Variants in PTGR3 observed in about 807,000 individuals in gnomAD.
The protein encoded by PTGR3 is prostaglandin reductase 3.
At chr18:75,202,675 AAAAAG>A in the PTGR3 span, among the ~76,000 whole-genome samples, 1 of 150,230 alleles carries the variant, frequency 6.7e-6, no homozygotes, top group Non-Finnish European at 1.5e-5. Context: ...CAAAAAAAAA[AAAAAG>A]AAAAGAAGGA....
At chr18:75,206,634 TAG>T in the PTGR3 span, among the ~76,000 whole-genome samples, 3 of 151,988 alleles carry the variant, frequency 2.0e-5, no homozygotes, top group African/African-American at 7.3e-5. Context: ...TCCAACAGAG[TAG>T]GGAAAGCGGG....
At chr18:75,205,398 G>A in the PTGR3 span, 1 of 985,234 alleles carries the variant, frequency 1.0e-6, no homozygotes, top group Non-Finnish European at 1.2e-6. Flanking sequence ...AATTGAAACT[G>A]TGTGCATGCA....
At chr18:75,202,700 AAG>A in the PTGR3 span, among the ~76,000 whole-genome samples, 3 of 152,100 alleles carry the variant, frequency 2.0e-5, no homozygotes, top group Non-Finnish European at 4.4e-5. Context: ...AAAAAAGAAA[AAG>A]AGTCAGGAAA....
chr18:75,205,567 T>TC, the PTGR3 span: 5 of 837,730 alleles, frequency 6.0e-6, no homozygotes, highest in African/African-American at 7.4e-5. Flanking sequence ...CTAAACCCCC[T>TC]CGTCATGTTT....
chr18:75,205,078 C>T, the PTGR3 span: 1 of 890,490 alleles, frequency 1.1e-6, no homozygotes, highest in Non-Finnish European at 1.3e-6. Flanking sequence ...TCTCCTTGGT[C>T]TCCCTGCCTC....
the PTGR3 span, chr18:75,196,497 T>C: frequency 6.6e-5 from 10 of 151,246 alleles, no homozygotes; most frequent in African/African-American, 2.4e-4. Flanking sequence ...CCGGGCATGG[T>C]GATGTGCACC....
the PTGR3 span, chr18:75,205,144 C>A: frequency 1.0e-6 from 1 of 985,498 alleles, no homozygotes; most frequent in Non-Finnish European, 1.2e-6. Flanking sequence ...GCTTCGCCCC[C>A]GCGGCTGGTG....
chr18:75,199,039 C>T, the PTGR3 span: 11 of 152,414 alleles, frequency 7.2e-5, no homozygotes, highest in African/African-American at 2.7e-4. Context: ...TCTGAATGGG[C>T]GGAATCTTTC....
the PTGR3 span, chr18:75,201,949 T>C: frequency 6.2e-7 from 1 of 1,614,234 alleles, no homozygotes; most frequent in East Asian, 2.2e-5. Context: ...CAGGTTCCAA[T>C]TACATGGCAC....
chr18:75,205,518 C>T, the PTGR3 span: 9 of 983,174 alleles, frequency 9.2e-6, no homozygotes, highest in Non-Finnish European at 1.1e-5. Context: ...CAAATCTGTA[C>T]CCTTCTAGAG....
chr18:75,206,674 C>G, the PTGR3 span, among the ~76,000 whole-genome samples: 1 of 152,124 alleles, frequency 6.6e-6, no homozygotes. Flanking sequence ...CCTCCCAACT[C>G]AAAAGAAAAC....
chr18:75,201,443 T>C, the PTGR3 span: 2 of 1,612,626 alleles, frequency 1.2e-6, no homozygotes, highest in South Asian at 1.1e-5. Flanking sequence ...CAGAGTGAGG[T>C]AATTCAACTA....
the PTGR3 span, chr18:75,208,591 G>T: frequency 4.4e-4 from 425 of 969,120 alleles, no homozygotes; most frequent in African/African-American, 6.6e-3. Context: ...GAGGGGAGGG[G>T]AATCCCAAAT....
At chr18:75,197,736 A>G in the PTGR3 span, 2 of 152,248 alleles carry the variant, frequency 1.3e-5, no homozygotes, top group African/African-American at 4.8e-5. Flanking sequence ...AAGTTTACAT[A>G]GATAATTCTT....
the PTGR3 span, among the ~76,000 whole-genome samples, chr18:75,202,889 T>C: frequency 6.6e-6 from 1 of 152,198 alleles, no homozygotes; most frequent in Admixed American, 6.5e-5. Context: ...TTATTAAAGA[T>C]TGATGGAATG....
chr18:75,205,443 T>A, the PTGR3 span: 2 of 984,986 alleles, frequency 2.0e-6, no homozygotes, highest in Non-Finnish European at 2.4e-6. Context: ...GACGGGAGGA[T>A]CCACTTAAAA....
At chr18:75,207,220 C>T in the PTGR3 span, among the ~76,000 whole-genome samples, 1 of 152,322 alleles carries the variant, frequency 6.6e-6, no homozygotes, top group East Asian at 1.9e-4. Flanking sequence ...CGCTCAGTCG[C>T]CTCCTCCCCA....
At chr18:75,201,284 A>T in the PTGR3 span, 2 of 765,192 alleles carry the variant, frequency 2.6e-6, no homozygotes, top group Non-Finnish European at 4.1e-6. Flanking sequence ...GGAGAGACCT[A>T]TTCATTAACA....
chr18:75,196,111 C>G, the PTGR3 span: 4 of 152,186 alleles, frequency 2.6e-5, no homozygotes, highest in Non-Finnish European at 5.9e-5. Flanking sequence ...TCCATTTGAT[C>G]ATTCTAAGAC....
Sources: allele counts gnomAD v4.1 joint callset (sites outside exome capture counted in the v4.1 genomes callset), GRCh38; gene constraint gnomAD v4.1.1; transcripts MANE v1.5; gene names NCBI Gene and HGNC (gene_info 2026-07-23, HGNC 2026-07-21).